KLHL8: variants seen among roughly 807,000 people sequenced by gnomAD.
KLHL8 encodes kelch-like protein 8.
KLHL8 carries 38 observed loss-of-function variants against 63.5 expected under a neutral mutation model. The observed-to-expected ratio is 0.60, with a 90% CI of 0.46 to 0.78. KLHL8 has a LOEUF of 0.78. Ranked by LOEUF, KLHL8 falls within the 30% of genes least tolerant of loss-of-function variation. The pLI is 0.00. For missense variants in KLHL8, 566 were observed against 752.4 expected (o/e 0.75, Z 2.90); for synonymous variants, 224 against 254.3 (o/e 0.88, Z 1.13).
chr4:87,233,798 G>A (rs1733178552), intron 1 of KLHL8, among the ~76,000 whole-genome samples: 2 of 152,014 alleles, frequency 1.3e-5, no homozygotes, highest in South Asian at 2.1e-4. Flanking sequence ...ACAAAATCTT[G>A]ATTGAAGATA....
At position 87,178,372 on chromosome 4, in the gene KLHL8, A is replaced by T. The variant is rs555468424; in HGVS notation, c.1096+105T>A. The T allele has an allele frequency of 1.1e-5, 13 of 1,207,452 alleles. No homozygotes were observed. The East Asian group carries it at 2.7e-4, about 25-fold the overall frequency. The allele number at this position is 1,207,452 out of a possible 1,614,324, so 74.8% of individuals were successfully genotyped here. ...TAACCAAGCATTTTATTTAAAAATA[A>T]TTTACAATTTAGTCATTTTCTTATA... On this transcript the variant is annotated intron_variant, in intron 5 of 9. Coordinates refer to ENST00000273963, the MANE Select transcript of KLHL8 (RefSeq NM_020803.5).
chr4:87,186,174 G>A (rs1731246737), intron 2 of KLHL8, among the ~76,000 whole-genome samples: 1 of 151,954 alleles, frequency 6.6e-6, no homozygotes, highest in Non-Finnish European at 1.5e-5. Flanking sequence ...AAGTAGTTGG[G>A]ATTACAGGCG....
intron 8 of KLHL8, among the ~76,000 whole-genome samples, chr4:87,168,042 C>T (rs1464663468): frequency 6.6e-6 from 1 of 152,150 alleles, no homozygotes; most frequent in Non-Finnish European, 1.5e-5. Context: ...CCCCACACCC[C>T]GCCCCCCGCC....
At chr4:87,216,928 G>A (rs76832592) in intron 1 of KLHL8, among the ~76,000 whole-genome samples, 1,745 of 152,186 alleles carry the variant, frequency 0.011, 38 homozygotes, top group African/African-American at 0.04. Flanking sequence ...ATAGAAGTAC[G>A]TATTATTTTT....
chr4:87,230,723 C>T (rs565651364), intron 1 of KLHL8, among the ~76,000 whole-genome samples: 20 of 152,282 alleles, frequency 1.3e-4, no homozygotes, highest in Middle Eastern at 3.4e-3. Context: ...CAGCATCTAA[C>T]GCAGTGTTAA....
At chr4:87,233,623 C>G (rs960236213) in intron 1 of KLHL8, among the ~76,000 whole-genome samples, 2 of 152,044 alleles carry the variant, frequency 1.3e-5, no homozygotes, top group African/African-American at 4.8e-5. Flanking sequence ...ACCTATTTAC[C>G]TAGTGGGTTG....
chr4:87,174,196 G>A (rs1730731452), intron 6 of KLHL8, among the ~76,000 whole-genome samples: 1 of 151,554 alleles, frequency 6.6e-6, no homozygotes, highest in Non-Finnish European at 1.5e-5. Context: ...AACTGTGGGT[G>A]ATACATTTAT....
chr4:87,184,151 TAAAG>T (rs1397685771), intron 3 of KLHL8, among the ~76,000 whole-genome samples: 2 of 152,190 alleles, frequency 1.3e-5, no homozygotes, highest in Non-Finnish European at 2.9e-5. Flanking sequence ...CTTACCATCT[TAAAG>T]AAAAACACAT....
At chr4:87,182,979 T>A (rs1235352203) in intron 4 of KLHL8, among the ~76,000 whole-genome samples, 2 of 151,960 alleles carry the variant, frequency 1.3e-5, no homozygotes, top group Non-Finnish European at 2.9e-5. Context: ...TTCAGTAGGC[T>A]CTTCAGAGTA....
At chr4:87,168,712 A>ATATATATACGTATATATATGTG (rs1560690177) in intron 8 of KLHL8, among the ~76,000 whole-genome samples, 11 of 143,308 alleles carry the variant, frequency 7.7e-5, no homozygotes, top group African/African-American at 2.8e-4. Context: ...ATATATGTGT[A>ATATATATACGTATATATATGTG]TATATATACG....
At chr4:87,233,225 T>C (rs1301486047) in intron 1 of KLHL8, among the ~76,000 whole-genome samples, 1 of 151,998 alleles carries the variant, frequency 6.6e-6, no homozygotes, top group African/African-American at 2.4e-5. Context: ...GTATTTTTAG[T>C]AGAGACAGGG....
intron 8 of KLHL8, chr4:87,167,558 C>A: frequency 1.9e-6 from 1 of 535,958 alleles, no homozygotes; most frequent in East Asian, 5.0e-5. Flanking sequence ...TCTTTCTGCT[C>A]TGGGGCTGTT....
chr4:87,193,760 T>C (rs78745050), intron 2 of KLHL8, among the ~76,000 whole-genome samples: 1,735 of 152,326 alleles, frequency 0.011, 37 homozygotes, highest in African/African-American at 0.039. Context: ...TAGGACATTA[T>C]GATAGCTACA....
Position 87,234,487 on chromosome 4 carries a change from T to G in KLHL8, n.57+5771A>C, listed in dbSNP as rs575382958. Among the ~76,000 whole-genome samples the G allele has an allele frequency of 2.3e-3, 342 of 151,866 alleles. 2 individuals are homozygous for G. The highest frequency in any genetic ancestry group is 7.5e-3 in the African/African-American group (312 of 41,414). ...GAGCTGAAAAATTCCTATCCCTTAGTGACGTCATAGCCATGATAATGTCCT... is the reference window on the plus strand; with the variant it reads ...GAGCTGAAAAATTCCTATCCCTTAGGGACGTCATAGCCATGATAATGTCCT... On this transcript the variant is annotated intron_variant and non_coding_transcript_variant, in intron 1 of 1. Transcript: ENST00000506274.
At chr4:87,236,512 T>C (rs1733232349) in intron 1 of KLHL8, among the ~76,000 whole-genome samples, 1 of 151,852 alleles carries the variant, frequency 6.6e-6, no homozygotes, top group Non-Finnish European at 1.5e-5. Context: ...GGCCTATGAA[T>C]TTGATTTCTT....
At chr4:87,212,684 T>C (rs530442968) in intron 1 of KLHL8, among the ~76,000 whole-genome samples, 96 of 152,356 alleles carry the variant, frequency 6.3e-4, no homozygotes, top group African/African-American at 2.2e-3. Flanking sequence ...TGGTGACCAA[T>C]GCATAGATGA....
chr4:87,170,000 A>G, intron 8 of KLHL8, 79 bp downstream of exon 8: 1 of 1,097,342 alleles, frequency 9.1e-7, no homozygotes, highest in Non-Finnish European at 1.3e-6. Flanking sequence ...GGCTAAATGC[A>G]ATGTAATTTT....
At chr4:87,187,005 T>G (rs2109997320) in intron 2 of KLHL8, among the ~76,000 whole-genome samples, 1 of 152,046 alleles carries the variant, frequency 6.6e-6, no homozygotes, top group South Asian at 2.1e-4. Flanking sequence ...TCTCATCACC[T>G]TAATTATTGA....
In KLHL8 at chr4:87,183,342, T is replaced by G; in HGVS notation, c.813A>C (p.Ala271=). ...GATTTTGCTTGACAATCTGTTCTTTTGCCACAACACCCATAAGAAAATCAA... is the reference window on the plus strand; with the variant it reads ...GATTTTGCTTGACAATCTGTTCTTTGGCCACAACACCCATAAGAAAATCAA... ...LPVDFLMGVV[A]KEQIVKQNLK... is the part of the protein sequence containing the mutation. Residue 271 remains alanine (A), a synonymous_variant, in exon 4 of 10, where the codon GCA becomes GCC. Coordinates refer to ENST00000273963, the MANE Select transcript of KLHL8 (RefSeq NM_020803.5). 1 of 1,613,194 alleles carries G rather than the reference T, an allele frequency of 6.2e-7. No homozygotes were observed. Among genetic ancestry groups the G allele is most frequent in the South Asian group, 1.1e-5 (1 of 90,988 alleles).
Sources: gnomAD v4.1 joint callset for allele counts (sites outside exome capture counted in the v4.1 genomes callset) on GRCh38, gnomAD v4.1.1 for gene constraint, MANE v1.5 for transcripts, NCBI Gene and HGNC (gene_info 2026-07-23, HGNC 2026-07-21) for gene names.